The following ANXA10 variants were observed in gnomAD, a reference collection of about 807,000 sequenced individuals.
ANXA10 encodes annexin A10.
In ANXA10, 49 loss-of-function variants were observed where a neutral mutation model predicts 53.5. The observed-to-expected ratio is 0.92, with a 90% confidence interval of 0.73 to 1.16. ANXA10 has a LOEUF of 1.16. Ranked by LOEUF, ANXA10 falls within the 50% of genes most tolerant of loss-of-function variation. The pLI, the probability that ANXA10 is intolerant of heterozygous loss-of-function variation, is 0.00. For synonymous variants in ANXA10, 131 were observed against 128.9 expected, an observed-to-expected ratio of 1.02 and a Z score of -0.11; for missense variants, 393 against 394.4, an observed-to-expected ratio of 1.00 and a Z score of 0.03.
chr4:168,137,699 G>T (rs751214449), intron 2 of ANXA10, among the ~76,000 whole-genome samples: 1 of 152,060 alleles, frequency 6.6e-6, no homozygotes, highest in African/African-American at 2.4e-5. Context: ...TAGACACTTA[G>T]GTTGATTACA....
chr4:168,102,184 G>A (rs1730651360), intron 1 of ANXA10, among the ~76,000 whole-genome samples: 2 of 152,106 alleles, frequency 1.3e-5, no homozygotes. Flanking sequence ...TTGTGGTTAT[G>A]AGATTTATTT....
intron 2 of ANXA10, among the ~76,000 whole-genome samples, chr4:168,137,780 T>C (rs527856889): frequency 9.9e-5 from 15 of 152,170 alleles, no homozygotes; most frequent in Non-Finnish European, 2.1e-4. Flanking sequence ...TAATGATTAC[T>C]TTCCCTTTGA....
chr4:168,099,528 GTAAT>G (rs1730607482), intron 1 of ANXA10, among the ~76,000 whole-genome samples: 1 of 152,052 alleles, frequency 6.6e-6, no homozygotes, highest in South Asian at 2.1e-4. Context: ...TCAGTGAAAG[GTAAT>G]TAATTAGTGG....
Position 168,187,602 on chromosome 4 carries a change from A to C in ANXA10, c.*168A>C. The C allele has an allele frequency of 2.3e-6, 1 of 425,856 alleles. No individual in the cohort carries two copies. Among genetic ancestry groups the C allele is most frequent in the Non-Finnish European group, 4.2e-6 (1 of 239,128 alleles). The allele number at this position is 425,856 out of a possible 1,614,324, so 26.4% of individuals were successfully genotyped here. A position where few individuals can be genotyped will look rare whatever the true frequency, so the allele number is the denominator to read the frequency against. On this transcript the variant is annotated 3_prime_UTR_variant, in exon 12 of 12. Transcript: ENST00000359299. ...GCCAAAGAAAACTATGAATGAAAGT[A>C]TATGATACTGAATTTGCCTACTATC...
intron 3 of ANXA10, among the ~76,000 whole-genome samples, chr4:168,161,287 C>T (rs780240052): frequency 6.6e-6 from 1 of 152,024 alleles, no homozygotes; most frequent in Non-Finnish European, 1.5e-5. Context: ...TAACTAGACA[C>T]TTCTCCCAGC....
Position 168,155,821 on chromosome 4 carries a change from TGA to T in ANXA10, c.196-6706_196-6705del, listed in dbSNP as rs1731629236. ...TATATAATATATGATATATTATATA[TGA>T]TATATGATATATCATATATAATATA... On this transcript the variant is annotated intron_variant, in intron 3 of 11. Coordinates refer to ENST00000359299, the MANE Select transcript of ANXA10 (RefSeq NM_007193.5). Among the ~76,000 whole-genome samples, 6 of 4,778 alleles carry T rather than the reference TGA, an allele frequency of 1.3e-3. 1 individual carries two copies. Among genetic ancestry groups the T allele is most frequent in the African/African-American group, 2.7e-3 (3 of 1,110 alleles). The allele number at this position is 4,778 out of a possible 152,430, so 3.1% of individuals were successfully genotyped here.
chr4:168,118,738 A>G (rs1042547637), intron 1 of ANXA10, among the ~76,000 whole-genome samples: 3 of 152,194 alleles, frequency 2.0e-5, no homozygotes, highest in African/African-American at 7.2e-5. Context: ...ATATGTGTGT[A>G]TATATATTTT....
At chr4:168,141,943 T>C (rs1199121684) in intron 3 of ANXA10, among the ~76,000 whole-genome samples, 1 of 152,094 alleles carries the variant, frequency 6.6e-6, no homozygotes, top group Admixed American at 6.5e-5. Flanking sequence ...GGGCCAGGGG[T>C]TGGATACGAA....
chr4:168,159,074 CT>C (rs1731738018), intron 3 of ANXA10, among the ~76,000 whole-genome samples: 1 of 152,168 alleles, frequency 6.6e-6, no homozygotes, highest in African/African-American at 2.4e-5. Flanking sequence ...ACAATTAAAC[CT>C]CTTTGTAAAT....
At chr4:168,115,497 GCA>G (rs67627035) in intron 1 of ANXA10, among the ~76,000 whole-genome samples, 21,742 of 136,170 alleles carry the variant, frequency 0.16, 2,266 homozygotes, top group African/African-American at 0.31. Flanking sequence ...CAATACACAC[GCA>G]CACACACACA....
intron 3 of ANXA10, among the ~76,000 whole-genome samples, chr4:168,154,706 T>C (rs1731571058): frequency 6.6e-6 from 1 of 152,180 alleles, no homozygotes; most frequent in Non-Finnish European, 1.5e-5. Context: ...GTACCACCTA[T>C]TTGCTATGTT....
chr4:168,122,834 C>T (rs145284248), intron 1 of ANXA10, among the ~76,000 whole-genome samples: 16 of 152,202 alleles, frequency 1.1e-4, no homozygotes, highest in African/African-American at 3.9e-4. Context: ...CCATTAGGCC[C>T]CACCTCCAAC....
chr4:168,162,766 A>C (rs1731808416), intron 4 of ANXA10, 125 bp downstream of exon 4: 2 of 743,610 alleles, frequency 2.7e-6, no homozygotes, highest in Non-Finnish European at 4.6e-6. Context: ...ATATCTAAAC[A>C]ATGATGTAAC....
chr4:168,150,651 C>G (rs10027424), intron 3 of ANXA10, among the ~76,000 whole-genome samples: 1 of 152,232 alleles, frequency 6.6e-6, no homozygotes, highest in South Asian at 2.1e-4. Flanking sequence ...AGGAGAAACA[C>G]GCACATGCGC....
At chr4:168,121,150 A>T (rs1415354360) in intron 1 of ANXA10, among the ~76,000 whole-genome samples, 1 of 152,098 alleles carries the variant, frequency 6.6e-6, no homozygotes, top group African/African-American at 2.4e-5. Context: ...GTTTCTAAAA[A>T]TTATCTGTAG....
At chr4:168,132,864 C>T (rs1231101612) in intron 2 of ANXA10, among the ~76,000 whole-genome samples, 2 of 151,976 alleles carry the variant, frequency 1.3e-5, no homozygotes, top group Non-Finnish European at 2.9e-5. Context: ...ACCATACAGT[C>T]GATTCTCATT....
At chr4:168,166,909 G>C (rs1560788471) in intron 6 of ANXA10, among the ~76,000 whole-genome samples, 1 of 152,126 alleles carries the variant, frequency 6.6e-6, no homozygotes, top group East Asian at 1.9e-4. Context: ...GGACCTAGGA[G>C]AGAGAAGGAT....
rs1560783809 is a variant in ANXA10, at chr4:168,155,820, ATG to A, written c.196-6707_196-6706del. Reference sequence around the variant, plus strand: ...ATATATAATATATGATATATTATATATGATATATGATATATCATATATAATAT... The same window carrying A: ...ATATATAATATATGATATATTATATAATATATGATATATCATATATAATAT... On this transcript the variant is annotated intron_variant, in intron 3 of 11. Transcript: ENST00000359299. Among the ~76,000 whole-genome samples, 36 of 14,726 alleles carry A rather than the reference ATG, an allele frequency of 2.4e-3. 2 individuals carry two copies. Among genetic ancestry groups the A allele is most frequent in the African/African-American group, 9.6e-3 (35 of 3,632 alleles). The allele number at this position is 14,726 out of a possible 152,430, so 9.7% of individuals were successfully genotyped here.
At chr4:168,145,155 G>A (rs1411225996) in intron 3 of ANXA10, among the ~76,000 whole-genome samples, 1 of 152,196 alleles carries the variant, frequency 6.6e-6, no homozygotes, top group Non-Finnish European at 1.5e-5. Context: ...CCTGGGTGTT[G>A]CCAGCTAATC....
Sources: gnomAD v4.1 joint callset for allele counts (sites outside exome capture counted in the v4.1 genomes callset) on GRCh38, gnomAD v4.1.1 for gene constraint, MANE v1.5 for transcripts, NCBI Gene and HGNC (gene_info 2026-07-23, HGNC 2026-07-21) for gene names.